Variants in PCDHGB2 observed in about 807,000 individuals in gnomAD.
The protein encoded by PCDHGB2 is protocadherin gamma-B2.
In PCDHGB2, 55 loss-of-function variants were observed where a neutral mutation model predicts 59.3. That is an observed-to-expected ratio of 0.93 (90% CI 0.75 to 1.16). The LOEUF (loss-of-function observed/expected upper bound fraction) is 1.16, where lower values mean the gene tolerates loss of function less well. PCDHGB2 is among the 50% of genes most tolerant of loss of function. The pLI is 0.00. For synonymous variants in PCDHGB2, 516 were observed against 512.0 expected (o/e 1.01, Z -0.11); for missense variants, 1,228 against 1,198.5 (o/e 1.02, Z -0.36).
At chr5:141,397,279 G>A (rs1208403541) in intron 1 of PCDHGB2, among the ~76,000 whole-genome samples, 1 of 152,168 alleles carries the variant, frequency 6.6e-6, no homozygotes, top group East Asian at 1.9e-4. Context: ...CATATGGGCA[G>A]TATACTTGAA....
intron 1 of PCDHGB2, chr5:141,404,287 C>T: frequency 6.2e-7 from 1 of 1,613,976 alleles, no homozygotes; most frequent in Non-Finnish European, 8.5e-7. Context: ...TGACTGACAT[C>T]AATGATAATC....
chr5:141,384,670 G>A, intron 1 of PCDHGB2: 1 of 1,614,220 alleles, frequency 6.2e-7, no homozygotes. Context: ...GGTGACCAAG[G>A]TGGTGGCGGT....
At chr5:141,394,373 C>G in intron 1 of PCDHGB2, 2 of 1,614,206 alleles carry the variant, frequency 1.2e-6, no homozygotes, top group Non-Finnish European at 8.5e-7. Context: ...TGCAATCTTT[C>G]GACTATGAGC....
rs765263883 is a variant in PCDHGB2 at position 141,491,018 on chromosome 5, C to T, written c.2422-3789C>T. On this transcript the variant is annotated intron_variant, in intron 1 of 3. Coordinates refer to ENST00000522605, the MANE Select transcript of PCDHGB2 (RefSeq NM_018923.3). This position sits in a 1 kb window ranked among gnomAD's most constrained non-coding sequence, Gnocchi z 6.9. The stretch of plus-strand genomic sequence containing the variant: ...CCTGGCTCCTTGGTCACCAAGGTGA[C>T]AGCCGTGGATGCTGATGCAGGCCAC... 1.2e-6 allele frequency: 2 copies of T among 1,614,146 alleles called. No individual in the cohort carries two copies. The highest frequency in any genetic ancestry group is 1.7e-6 in the Non-Finnish European group (2 of 1,180,042).
chr5:141,362,274 G>T lies in PCDHGB2; in HGVS notation c.2139G>T (p.Leu713=). ...FFLAVILAIS[L]RLRLSSRSDA... ...TCGCGGTGATTCTGGCAATCTCCCTGCGCCTGCGACTCTCTTCCAGGTCAG... is the reference window on the plus strand; with the variant it reads ...TCGCGGTGATTCTGGCAATCTCCCTTCGCCTGCGACTCTCTTCCAGGTCAG... Residue 713 remains leucine, a synonymous_variant, in exon 1 of 4, where the codon CTG becomes CTT. Transcript: ENST00000522605. 4 of 1,614,018 alleles carry T rather than the reference G, an allele frequency of 2.5e-6. No homozygotes were observed. The East Asian group carries it at 8.9e-5, about 36-fold the overall frequency.
Position 141,490,348 on chromosome 5 carries a change from G to T in PCDHGB2, c.2422-4459G>T, listed in dbSNP as rs2099698964. On this transcript the variant is annotated intron_variant, in intron 1 of 3. Transcript: ENST00000522605. The surrounding 1 kb of genome is among the most constrained non-coding windows in gnomAD (Gnocchi z 5.4). ...GAGCACACCAGTGGGCACAGTAGTG[G>T]GGTTGTTTAATGTGCGAGACCGGGA... The T allele has an allele frequency of 1.2e-6, 2 of 1,614,080 alleles. No homozygotes were observed. The highest frequency in any genetic ancestry group is 3.3e-5 in the Admixed American group (2 of 60,018).
chr5:141,385,563 C>T, intron 1 of PCDHGB2: 1 of 1,304,972 alleles, frequency 7.7e-7, no homozygotes, highest in Non-Finnish European at 9.7e-7. Flanking sequence ...TTATAATTTC[C>T]ACCTACTTTC....
chr5:141,387,492 G>C (rs779250536), intron 1 of PCDHGB2, among the ~76,000 whole-genome samples: 1 of 152,220 alleles, frequency 6.6e-6, no homozygotes, highest in Non-Finnish European at 1.5e-5. Flanking sequence ...GCATTCCTAA[G>C]AGTACATTTT....
intron 1 of PCDHGB2, chr5:141,375,151 T>A (rs1771184032): frequency 6.2e-7 from 1 of 1,613,844 alleles, no homozygotes; most frequent in African/African-American, 1.3e-5. Context: ...GCAGAACAAT[T>A]GCTGAAAGTG....
intron 1 of PCDHGB2, chr5:141,427,019 CAA>C (rs1369360584): frequency 8.8e-6 from 4 of 456,798 alleles, no homozygotes; most frequent in Admixed American, 2.3e-5. Flanking sequence ...AGGATGTATA[CAA>C]AGTCAGCCTT....
rs1180216273 is a variant in PCDHGB2 at position 141,362,266 on chromosome 5, A to G, written c.2131A>G (p.Ile711Val). 2 of 1,613,342 alleles carry G rather than the reference A, an allele frequency of 1.2e-6. No individual in the cohort carries two copies. The highest frequency in any genetic ancestry group is 1.7e-6 in the Non-Finnish European group (2 of 1,179,796). Residue 711 changes from isoleucine (I) to valine (V), a missense_variant, in exon 1 of 4, where the codon ATC (isoleucine) becomes GTC (valine). This residue lies in a region of PCDHGB2 where 433 missense variants were observed against 441.8 expected (regional missense o/e 0.98). Transcript: ENST00000522605. ...CTTCTTCCTCGCGGTGATTCTGGCA[A>G]TCTCCCTGCGCCTGCGACTCTCTTC... ...VLFFLAVILA[I>V]SLRLRLSSRS...
chr5:141,496,126 C>T (rs934132550), intron 2 of PCDHGB2, among the ~76,000 whole-genome samples: 2 of 152,062 alleles, frequency 1.3e-5, no homozygotes, highest in African/African-American at 4.8e-5. Context: ...CCCTGCCCCT[C>T]ACACACTGAG....
At chr5:141,408,524 G>A (rs1589673864) in intron 1 of PCDHGB2, 3 of 1,614,080 alleles carry the variant, frequency 1.9e-6, no homozygotes, top group Non-Finnish European at 1.7e-6. Context: ...GCAATTGGAA[G>A]CTGTGGTGGA....
chr5:141,396,830 G>A (rs1014090361), intron 1 of PCDHGB2, among the ~76,000 whole-genome samples: 1 of 152,198 alleles, frequency 6.6e-6, no homozygotes, highest in African/African-American at 2.4e-5. Context: ...TGCATATTCA[G>A]TGGAGTGGGA....
chr5:141,480,273 G>A (rs2099516030), intron 1 of PCDHGB2, among the ~76,000 whole-genome samples: 1 of 151,956 alleles, frequency 6.6e-6, no homozygotes, highest in Non-Finnish European at 1.5e-5. Flanking sequence ...TCATTAGCTG[G>A]GTGTGTTGGC....
intron 1 of PCDHGB2, chr5:141,409,887 TGCTGTAC>T: frequency 6.2e-7 from 1 of 1,613,062 alleles, no homozygotes; most frequent in Non-Finnish European, 8.5e-7. Flanking sequence ...GCACCGCGGG[TGCTGTAC>T]CCAGCTCTGG....
At chr5:141,418,693 T>C (rs989725231) in intron 1 of PCDHGB2, 1 of 1,613,922 alleles carries the variant, frequency 6.2e-7, no homozygotes, top group South Asian at 1.1e-5. Context: ...CAGAGATCAC[T>C]TATTCCTTCT....
intron 1 of PCDHGB2, among the ~76,000 whole-genome samples, chr5:141,482,104 AAT>A (rs1452930297): frequency 2.7e-5 from 4 of 150,286 alleles, no homozygotes; most frequent in Non-Finnish European, 5.9e-5. Context: ...AAAAAAAAAA[AAT>A]ATCTAGAGAT....
intron 1 of PCDHGB2, chr5:141,365,839 C>T (rs1212060265): frequency 1.9e-6 from 3 of 1,613,840 alleles, no homozygotes; most frequent in Non-Finnish European, 2.5e-6. Context: ...CCTTGTCCTC[C>T]TATGTATCCA....
Sources: gnomAD v4.1 joint callset for allele counts (sites outside exome capture counted in the v4.1 genomes callset) on GRCh38, gnomAD v4.1.1 for gene constraint, gnomAD v4.1.1 regional missense constraint, Gnocchi (gnomAD v3.1) non-coding constraint, MANE v1.5 for transcripts, NCBI Gene and HGNC (gene_info 2026-07-23, HGNC 2026-07-21) for gene names.